Variants in ZPBP observed in about 807,000 individuals in gnomAD.
ZPBP encodes zona pellucida-binding protein 1.
ZPBP carries 26 observed loss-of-function variants against 44.8 expected under a neutral mutation model. The observed-to-expected ratio is 0.58, with a 90% CI of 0.43 to 0.81. The LOEUF (loss-of-function observed/expected upper bound fraction) is 0.81. Among genes scored for constraint, ZPBP ranks in the 30% least tolerant of loss-of-function variants. ZPBP has a pLI of 0.00. For synonymous variants in ZPBP, 174 were observed against 153.2 expected (o/e 1.14, Z -1.00); for missense variants, 409 against 434.0 (o/e 0.94, Z 0.51).
intron 2 of ZPBP, among the ~76,000 whole-genome samples, chr7:49,857,388 T>G (rs1790469791): frequency 6.6e-6 from 1 of 152,234 alleles, no homozygotes; most frequent in Non-Finnish European, 1.5e-5. Flanking sequence ...GCCTGAATAT[T>G]CCAATGTAGG....
intron 4 of ZPBP, among the ~76,000 whole-genome samples, chr7:50,039,485 C>T (rs147605616): frequency 2.6e-5 from 4 of 152,260 alleles, no homozygotes; most frequent in African/African-American, 7.2e-5. Context: ...TACAACTATG[C>T]ATTTCTTCTA....
intron 7 of ZPBP, chr7:49,944,430 G>C (rs1795017148): frequency 5.8e-6 from 1 of 173,120 alleles, no homozygotes; most frequent in Non-Finnish European, 1.2e-5. Flanking sequence ...TTTGTACTTG[G>C]GCTTTACCAT....
chr7:49,854,326 C>G (rs112096686), intron 2 of ZPBP, among the ~76,000 whole-genome samples: 1 of 152,226 alleles, frequency 6.6e-6, no homozygotes, highest in Non-Finnish European at 1.5e-5. Flanking sequence ...TACAGTCCCA[C>G]CAACAATGTA....
chr7:50,087,085 C>T (rs1435004145), intron 2 of ZPBP, among the ~76,000 whole-genome samples: 1 of 151,964 alleles, frequency 6.6e-6, no homozygotes, highest in Non-Finnish European at 1.5e-5. Flanking sequence ...AAGTCCAGCA[C>T]CAAATGAATT....
intron 2 of ZPBP, among the ~76,000 whole-genome samples, chr7:49,885,010 GT>G (rs1338608088): frequency 3.3e-5 from 5 of 152,054 alleles, no homozygotes; most frequent in African/African-American, 4.8e-5. Flanking sequence ...GGATATAAGT[GT>G]TGTATGGCTA....
At chr7:49,981,584 A>C (rs1406086222) in intron 7 of ZPBP, among the ~76,000 whole-genome samples, 1 of 64,600 alleles carries the variant, frequency 1.5e-5, no homozygotes, top group Non-Finnish European at 2.8e-5. Flanking sequence ...TATAAATTAT[A>C]TATTATATAA....
intron 6 of ZPBP, among the ~76,000 whole-genome samples, chr7:50,004,023 T>C (rs1351943086): frequency 6.6e-6 from 1 of 152,068 alleles, no homozygotes; most frequent in East Asian, 1.9e-4. Flanking sequence ...AACATGAGCA[T>C]GTCTGCATTG....
At chr7:49,853,919 A>G (rs1160486785) in intron 2 of ZPBP, among the ~76,000 whole-genome samples, 2 of 138,878 alleles carry the variant, frequency 1.4e-5, no homozygotes, top group Non-Finnish European at 3.0e-5. Context: ...CTGTGTCCAA[A>G]TGTTTTCATT....
At chr7:50,055,862 C>A (rs1002381368) in intron 4 of ZPBP, among the ~76,000 whole-genome samples, 2 of 152,066 alleles carry the variant, frequency 1.3e-5, no homozygotes, top group Non-Finnish European at 2.9e-5. Flanking sequence ...ATGAGTGATT[C>A]TGAAGTACAT....
chr7:49,876,563 T>A (rs188598366), intron 2 of ZPBP, among the ~76,000 whole-genome samples: 1 of 152,310 alleles, frequency 6.6e-6, no homozygotes, highest in East Asian at 1.9e-4. Flanking sequence ...ATTTAGTACT[T>A]CAATTAAATA....
chr7:50,055,198 T>G (rs1434248574), intron 4 of ZPBP, among the ~76,000 whole-genome samples: 1 of 152,134 alleles, frequency 6.6e-6, no homozygotes, highest in Admixed American at 6.5e-5. Context: ...AGATCAGTGA[T>G]GGATGGATGG....
chr7:49,940,433 T>C (rs140539550), intron 7 of ZPBP, among the ~76,000 whole-genome samples: 82 of 152,170 alleles, frequency 5.4e-4, no homozygotes, highest in African/African-American at 1.8e-3. Flanking sequence ...GCTTTTTTTG[T>C]TGAGCCAACA....
At chr7:50,075,576 G>A (rs1043685983) in intron 3 of ZPBP, among the ~76,000 whole-genome samples, 13 of 151,790 alleles carry the variant, frequency 8.6e-5, no homozygotes, top group African/African-American at 3.1e-4. Context: ...GAGACATTAT[G>A]ACTGATACTG....
intron 2 of ZPBP, among the ~76,000 whole-genome samples, chr7:49,884,414 C>G (rs540381456): frequency 1.3e-5 from 2 of 152,134 alleles, no homozygotes; most frequent in South Asian, 4.1e-4. Context: ...GTCTCCTTGA[C>G]TAAAATTGGG....
intron 1 of ZPBP, chr7:49,914,102 T>C (rs920563376): frequency 6.6e-6 from 1 of 152,212 alleles, no homozygotes; most frequent in East Asian, 1.9e-4. Flanking sequence ...AAGGATGGAT[T>C]GTTTGAGACA....
chr7:49,940,879 A>G, intron 7 of ZPBP: 1 of 710,742 alleles, frequency 1.4e-6, no homozygotes, highest in South Asian at 6.3e-5. Context: ...AGGAGACAAC[A>G]AAGGGGAACA....
At chr7:50,073,315 ATTAGTGAGC>A (rs2128844479) in intron 3 of ZPBP, among the ~76,000 whole-genome samples, 1 of 152,192 alleles carries the variant, frequency 6.6e-6, no homozygotes, top group African/African-American at 2.4e-5. Context: ...AGAAGAAAGA[ATTAGTGAGC>A]TTGAAAACAC....
intron 2 of ZPBP, among the ~76,000 whole-genome samples, chr7:49,893,847 T>G (rs1243431156): frequency 6.6e-6 from 1 of 152,196 alleles, no homozygotes; most frequent in Non-Finnish European, 1.5e-5. Flanking sequence ...GTTTGGGATG[T>G]AAAGTTTGGA....
At chr7:50,073,935 T>C (rs1366147561) in intron 3 of ZPBP, among the ~76,000 whole-genome samples, 3 of 151,872 alleles carry the variant, frequency 2.0e-5, no homozygotes, top group Non-Finnish European at 4.4e-5. Context: ...AAAAGAAAAT[T>C]AATGAGTAAT....
Sources: allele counts gnomAD v4.1 joint callset (sites outside exome capture counted in the v4.1 genomes callset), GRCh38; gene constraint gnomAD v4.1.1; transcripts MANE v1.5; gene names NCBI Gene and HGNC (gene_info 2026-07-23, HGNC 2026-07-21).